Variants in TMC5 observed in about 807,000 individuals in gnomAD.
TMC5 encodes the protein transmembrane channel-like protein 5.
Under a neutral mutation model 110.5 loss-of-function variants are expected in TMC5, and 86 were observed. The observed-to-expected ratio is 0.78, with a 90% CI of 0.65 to 0.93. The LOEUF (loss-of-function observed/expected upper bound fraction) is 0.93. Among genes scored for constraint, TMC5 ranks in the 40% least tolerant of loss-of-function variants. The pLI is 0.00. For synonymous variants in TMC5, 455 were observed against 439.5 expected (o/e 1.04, Z -0.44); for missense variants, 1,144 against 1,222.8 (o/e 0.94, Z 0.96).
chr16:19,464,977 TTTC>T (rs139160198), intron 8 of TMC5, among the ~76,000 whole-genome samples: 75,289 of 149,654 alleles, frequency 0.5, 22,618 homozygotes, highest in Non-Finnish European at 0.67. Context: ...CCCTTCTTTC[TTTC>T]TTTTCTTTTC....
rs748166794 is a variant in TMC5, at chr16:19,440,847, C to T, written c.788+21C>T. ...AGGGGGTAAGTTCAGATATATATCC[C>T]TTCACTGGGAGTGGATGCTGAGTGC... On this transcript the variant is annotated intron_variant, in intron 3 of 21. Transcript: ENST00000542583. 1.9e-6 allele frequency: 3 copies of T among 1,596,396 alleles called. No homozygotes were observed. In the East Asian group the frequency reaches 6.7e-5, roughly 36 times the overall value.
rs116873060 is a variant in TMC5 at position 19,431,004 on chromosome 16, A to G, written c.-80+364A>G. ...CTCCTGAGTACCTGAGATTACAGGC[A>G]CGCGCCACAACAAAAACAATTTTTT... On this transcript the variant is annotated intron_variant, in intron 2 of 21. Coordinates refer to ENST00000542583, the MANE Select transcript of TMC5 (RefSeq NM_001261841.2). Among the ~76,000 whole-genome samples, 766 of 152,116 alleles carry G rather than the reference A, an allele frequency of 5.0e-3. 2 individuals carry two copies. The highest frequency in any genetic ancestry group is 8.4e-3 in the Non-Finnish European group (571 of 68,024).
intron 20 of TMC5, among the ~76,000 whole-genome samples, chr16:19,496,511 C>G (rs894794848): frequency 2.7e-4 from 41 of 152,248 alleles, no homozygotes; most frequent in African/African-American, 9.6e-4. Flanking sequence ...GGTAGATTCT[C>G]TGAAGGTGAG....
At chr16:19,470,652 A>G (rs955028498) in intron 10 of TMC5, among the ~76,000 whole-genome samples, 1 of 149,786 alleles carries the variant, frequency 6.7e-6, no homozygotes, top group Non-Finnish European at 1.5e-5. Context: ...CCTGCAGCAG[A>G]GAATTATGCA....
intron 7 of TMC5, 100 bp downstream of exon 7, chr16:19,463,467 CAATT>C: frequency 9.6e-7 from 1 of 1,041,220 alleles, no homozygotes; most frequent in African/African-American, 1.6e-5. Flanking sequence ...AAAATCAGAG[CAATT>C]TCATTGCCCA....
intron 1 of TMC5, among the ~76,000 whole-genome samples, chr16:19,423,019 G>A (rs1322056720): frequency 1.3e-5 from 2 of 152,242 alleles, no homozygotes; most frequent in East Asian, 1.9e-4. Flanking sequence ...AGCTACTCAC[G>A]AGGCTGAGGC....
intron 1 of TMC5, among the ~76,000 whole-genome samples, chr16:19,428,614 C>T (rs2040387): frequency 0.13 from 20,177 of 152,048 alleles, 1,672 homozygotes; most frequent in East Asian, 0.21. Context: ...GACTTTCAAG[C>T]GATTAAAATT....
chr16:19,456,886 A>G (rs1967889203), intron 5 of TMC5: 1 of 1,614,232 alleles, frequency 6.2e-7, no homozygotes, highest in Non-Finnish European at 8.5e-7. Flanking sequence ...CAGTCAGCAA[A>G]AGGAATGACC....
intron 2 of TMC5, among the ~76,000 whole-genome samples, chr16:19,435,853 A>T (rs1183112741): frequency 1.3e-5 from 2 of 152,242 alleles, no homozygotes; most frequent in Non-Finnish European, 2.9e-5. Flanking sequence ...GTGCAGCAGA[A>T]GTTCAGTCTT....
upstream of TMC5, among the ~76,000 whole-genome samples, chr16:19,414,409 C>T (rs1037598506): frequency 1.3e-5 from 2 of 152,148 alleles, no homozygotes; most frequent in African/African-American, 4.8e-5. Context: ...AAAAACTCTG[C>T]TAATTCACCC....
At chr16:19,453,683 C>T (rs1331162061) in intron 5 of TMC5, among the ~76,000 whole-genome samples, 3 of 151,918 alleles carry the variant, frequency 2.0e-5, no homozygotes, top group African/African-American at 7.3e-5. Context: ...TGGGAAGATC[C>T]CTTGGGCCCA....
chr16:19,466,632 G>A (rs1302311764), intron 9 of TMC5, among the ~76,000 whole-genome samples: 7 of 152,186 alleles, frequency 4.6e-5, no homozygotes, highest in Admixed American at 3.9e-4. Flanking sequence ...GATTACAGGC[G>A]TGAGCCACCG....
At chr16:19,491,684 C>T (rs972904714) in intron 18 of TMC5, among the ~76,000 whole-genome samples, 3 of 151,820 alleles carry the variant, frequency 2.0e-5, no homozygotes, top group Non-Finnish European at 4.4e-5. Flanking sequence ...TACAGGCACC[C>T]ACCACCACGC....
At chr16:19,486,275 G>A (rs1258173569) in intron 15 of TMC5, among the ~76,000 whole-genome samples, 1 of 152,158 alleles carries the variant, frequency 6.6e-6, no homozygotes, top group Non-Finnish European at 1.5e-5. Context: ...AGGGTCATAA[G>A]GGAGGGATCT....
Position 19,495,147 on chromosome 16 carries a change from TG to T in TMC5, c.2931+784del, listed in dbSNP as rs1224323519. On this transcript the variant is annotated intron_variant, in intron 20 of 21. Transcript: ENST00000542583. The stretch of plus-strand genomic sequence containing the variant: ...CTCCTGCCTCAGCCTCCCAAGTAGC[TG>T]GGACTACAGGCGCCCGCCACTACGC... 5.8e-5 allele frequency among the ~76,000 whole-genome samples: 4 copies of T among 68,804 alleles called. 1 individual carries two copies. The highest frequency in any genetic ancestry group is 1.5e-4 in the African/African-American group (4 of 25,836). The allele number at this position is 68,804 out of a possible 152,430, so 45.1% of individuals were successfully genotyped here.
At position 19,440,173 on chromosome 16, in the gene TMC5, A is replaced by G; in HGVS notation, c.135A>G (p.Pro45=). 1 of 1,614,190 alleles carries G rather than the reference A, an allele frequency of 6.2e-7. No individual in the cohort carries two copies. The highest frequency in any genetic ancestry group is 2.2e-5 in the East Asian group (1 of 44,874). The change falls in exon 3 of 22, where the codon CCA becomes CCG. Residue 45 remains proline (P), a synonymous_variant. Coordinates refer to ENST00000542583, the MANE Select transcript of TMC5 (RefSeq NM_001261841.2). ...ATGTTCCAGGTCCTCTGAACAATCC[A>G]GACTACCCCGGCACCAGGAGCAATC... ...YPDVPGPLNN[P]DYPGTRSNPY...
At position 19,492,020 on chromosome 16, in the gene TMC5, T is replaced by C. The variant is rs901424373; in HGVS notation, c.2748-130T>C. 58 of 725,738 alleles carry C rather than the reference T, an allele frequency of 8.0e-5. No homozygotes were observed. In the African/African-American group the frequency reaches 8.4e-4, roughly 10 times the overall value. 45.0% of individuals were successfully genotyped at this position (725,738 alleles called of 1,614,324 possible). A position where few individuals can be genotyped will look rare whatever the true frequency, so the allele number is the denominator to read the frequency against. ...ATTTAACCTATAACTCTCCCTGACA[T>C]GACTTTTCAGAAACATGTTTGGGCC... On this transcript the variant is annotated intron_variant, in intron 18 of 21. Coordinates refer to ENST00000542583, the MANE Select transcript of TMC5 (RefSeq NM_001261841.2).
chr16:19,453,636 C>T (rs922842289), intron 5 of TMC5, among the ~76,000 whole-genome samples: 4 of 151,542 alleles, frequency 2.6e-5, no homozygotes, highest in African/African-American at 4.9e-5. Context: ...GGCCTGGTGG[C>T]GTGCACCTGC....
Position 19,481,379 on chromosome 16 carries a change from G to A in TMC5, c.2277G>A (p.Gly759=), listed in dbSNP as rs1057074225. 1 of 1,612,826 alleles carries A rather than the reference G, an allele frequency of 6.2e-7. No homozygotes were observed. Among genetic ancestry groups the A allele is most frequent in the Non-Finnish European group, 8.5e-7 (1 of 1,178,942 alleles). The change falls in exon 15 of 22, where the codon GGG becomes GGA. Residue 759 remains glycine, a synonymous_variant. Transcript: ENST00000542583. ...CAGTATGTTTTCACAGAATCATTGG[G>A]ATGCAACTGATCACAAGTCTTGGCC... The part of the protein sequence containing the change: ...FLGEFLRRII[G]MQLITSLGLQ...
Sources: allele counts gnomAD v4.1 joint callset (sites outside exome capture counted in the v4.1 genomes callset), GRCh38; gene constraint gnomAD v4.1.1; transcripts MANE v1.5; gene names NCBI Gene and HGNC (gene_info 2026-07-23, HGNC 2026-07-21).